Variants in ITGA9 observed in about 807,000 individuals in gnomAD.
ITGA9 encodes the protein integrin subunit alpha 9, also known as integrin alpha-9.
ITGA9 carries 56 observed loss-of-function variants against 127.8 expected under a neutral mutation model. The ratio of observed to expected loss-of-function variants is 0.44; its 90% CI spans 0.35 to 0.55. ITGA9 has a LOEUF of 0.55. Ranked by LOEUF, ITGA9 falls within the 20% of genes least tolerant of loss-of-function variation. ITGA9 has a pLI of 0.00. For synonymous variants in ITGA9, 508 were observed against 514.5 expected (o/e 0.99, Z 0.17); for missense variants, 1,196 against 1,347.1 (o/e 0.89, Z 1.76).
chr3:37,811,505 AC>A (rs1182105248), intron 27 of ITGA9, among the ~76,000 whole-genome samples: 1 of 151,472 alleles, frequency 6.6e-6, no homozygotes, highest in African/African-American at 2.4e-5. Context: ...GAAGAAAGAC[AC>A]CCCCCTTCCC....
chr3:37,768,339 C>G (rs1269058242), intron 23 of ITGA9, among the ~76,000 whole-genome samples: 1 of 152,192 alleles, frequency 6.6e-6, no homozygotes, highest in Non-Finnish European at 1.5e-5. Flanking sequence ...TATCATTTCT[C>G]AGTTATTGTA....
chr3:37,568,524 A>G (rs1448386444), intron 15 of ITGA9, among the ~76,000 whole-genome samples: 1 of 152,206 alleles, frequency 6.6e-6, no homozygotes, highest in Non-Finnish European at 1.5e-5. Context: ...TCAGGCCACA[A>G]ATTTTCCAAA....
At chr3:37,642,045 C>G (rs1031340832) in intron 16 of ITGA9, among the ~76,000 whole-genome samples, 1 of 152,110 alleles carries the variant, frequency 6.6e-6, no homozygotes, top group African/African-American at 2.4e-5. Flanking sequence ...TCAAGTGATC[C>G]TCCCACCTCA....
At chr3:37,778,004 G>T (rs557934020) in intron 24 of ITGA9, among the ~76,000 whole-genome samples, 2 of 152,272 alleles carry the variant, frequency 1.3e-5, no homozygotes, top group South Asian at 4.1e-4. Flanking sequence ...ATCAATAGGA[G>T]AATAAGTAAG....
chr3:37,766,662 C>T (rs1696783275), intron 23 of ITGA9, among the ~76,000 whole-genome samples: 1 of 152,094 alleles, frequency 6.6e-6, no homozygotes, highest in Non-Finnish European at 1.5e-5. Flanking sequence ...GAGCTAGAAC[C>T]AGAATTTAAA....
At chr3:37,757,189 AAAT>A (rs1442722001) in intron 23 of ITGA9, among the ~76,000 whole-genome samples, 1 of 151,920 alleles carries the variant, frequency 6.6e-6, no homozygotes, top group African/African-American at 2.4e-5. Flanking sequence ...GAAATAGAAA[AAAT>A]AATAACAACA....
intron 15 of ITGA9, among the ~76,000 whole-genome samples, chr3:37,623,795 C>G (rs998647208): frequency 2.6e-5 from 4 of 151,862 alleles, no homozygotes; most frequent in African/African-American, 9.7e-5. Flanking sequence ...ATCCTGTTTT[C>G]TTTTAAAAGA....
Position 37,597,570 on chromosome 3 carries a change from C to T in ITGA9, c.1690-31617C>T, listed in dbSNP as rs780475864. On this transcript the variant is annotated intron_variant, in intron 15 of 27. Coordinates refer to ENST00000264741, the MANE Select transcript of ITGA9 (RefSeq NM_002207.3). The surrounding 1 kb of genome is among the most constrained non-coding windows in gnomAD (Gnocchi z 4.6). ...TAACATAGCTTCCCTTTCCCACCTA[C>T]GACCTATGAGGTGCACCTGTCCGTA... 9.2e-5 allele frequency among the ~76,000 whole-genome samples: 14 copies of T among 152,128 alleles called. No individual in the cohort carries two copies. Among genetic ancestry groups the T allele is most frequent in the Non-Finnish European group, 1.8e-4 (12 of 68,042 alleles).
intron 16 of ITGA9, among the ~76,000 whole-genome samples, chr3:37,653,109 A>G (rs1400669641): frequency 6.6e-6 from 1 of 152,222 alleles, no homozygotes; most frequent in African/African-American, 2.4e-5. Flanking sequence ...GGTTAGAGAA[A>G]AGGCACTGTG....
chr3:37,647,867 G>A (rs1700394000), intron 16 of ITGA9, among the ~76,000 whole-genome samples: 1 of 151,962 alleles, frequency 6.6e-6, no homozygotes, highest in African/African-American at 2.4e-5. Flanking sequence ...ATATATATGT[G>A]TGTGTGTGTA....
intron 18 of ITGA9, among the ~76,000 whole-genome samples, chr3:37,722,842 G>A (rs1321962606): frequency 6.6e-6 from 1 of 152,160 alleles, no homozygotes; most frequent in Non-Finnish European, 1.5e-5. Flanking sequence ...CCTAAGAGTG[G>A]GATTGCTGGG....
chr3:37,481,613 C>A lies in ITGA9; in HGVS notation c.544+6C>A. The A allele has an allele frequency of 6.2e-7, 1 of 1,614,194 alleles. No individual in the cohort carries two copies. Among genetic ancestry groups the A allele is most frequent in the Non-Finnish European group, 8.5e-7 (1 of 1,180,026 alleles). On this transcript the variant is annotated splice_donor_region_variant and intron_variant, in intron 4 of 27. Transcript: ENST00000264741. ...GCTGATCCCTTGCTATGAAGGTGAG[C>A]ATGGATTGATTTTTCCTCATCCCCC...
At chr3:37,792,837 G>A (rs1424157340) in intron 26 of ITGA9, among the ~76,000 whole-genome samples, 4 of 152,186 alleles carry the variant, frequency 2.6e-5, no homozygotes, top group Non-Finnish European at 5.9e-5. Flanking sequence ...AGAGCAAGTG[G>A]ACAGTATGTC....
intron 18 of ITGA9, among the ~76,000 whole-genome samples, chr3:37,718,468 G>T (rs1022889806): frequency 6.6e-6 from 1 of 152,166 alleles, no homozygotes; most frequent in Non-Finnish European, 1.5e-5. Context: ...GAATCCCAGA[G>T]AAGGCATTTT....
rs187250367 is a variant in ITGA9, at chr3:37,696,450, A to G, written c.2067+12435A>G. ...TATTTTCACAAAATGAAGCCATTTCAACGATGTTGTCAATGTGTTTGGATT... is the reference window on the plus strand; with the variant it reads ...TATTTTCACAAAATGAAGCCATTTCGACGATGTTGTCAATGTGTTTGGATT... On this transcript the variant is annotated intron_variant, in intron 18 of 27. Coordinates refer to ENST00000264741, the MANE Select transcript of ITGA9 (RefSeq NM_002207.3). Among the ~76,000 whole-genome samples, 261 of 152,358 alleles carry G rather than the reference A, an allele frequency of 1.7e-3. 4 individuals are homozygous for G. The South Asian group carries it at 0.024, about 14-fold the overall frequency.
At chr3:37,664,336 C>T (rs887259691) in intron 17 of ITGA9, among the ~76,000 whole-genome samples, 3 of 152,000 alleles carry the variant, frequency 2.0e-5, no homozygotes, top group Non-Finnish European at 4.4e-5. Flanking sequence ...ACCTGGAGGC[C>T]TTGTTCAATA....
At chr3:37,592,835 G>T (rs893162030) in intron 15 of ITGA9, among the ~76,000 whole-genome samples, 2 of 152,168 alleles carry the variant, frequency 1.3e-5, no homozygotes, top group African/African-American at 4.8e-5. Flanking sequence ...GGTGGGTGCT[G>T]TAAGAATGTT....
rs374110267 is a variant in ITGA9, at chr3:37,471,020, G to A, written c.199G>A (p.Ala67Thr). The change falls in exon 2 of 28, where the codon GCA becomes ACA. Residue 67 changes from alanine to threonine, a missense_variant. Physicochemically the swap from Ala to Thr is moderately conservative, Grantham distance 58. Coordinates refer to ENST00000264741, the MANE Select transcript of ITGA9 (RefSeq NM_002207.3). ...CTCTTGCTGCAGGGTCCTTGTGGGC[G>A]CACCAAAGGCAGATTCCAAATACAG... Reference protein sequence around the residue: ...HDNTRWVLVGAPKADSKYSPS... With the variant: ...HDNTRWVLVGTPKADSKYSPS... 23 of 1,613,868 alleles carry A rather than the reference G, an allele frequency of 1.4e-5. No homozygotes were observed. The highest frequency in any genetic ancestry group is 2.2e-5 in the East Asian group (1 of 44,890).
At chr3:37,766,921 G>A (rs1040228145) in intron 23 of ITGA9, among the ~76,000 whole-genome samples, 4 of 152,300 alleles carry the variant, frequency 2.6e-5, no homozygotes, top group African/African-American at 7.2e-5. Context: ...CATCTGTATC[G>A]CTTTAACTCC....
Sources: gnomAD v4.1 joint callset for allele counts (sites outside exome capture counted in the v4.1 genomes callset) on GRCh38, gnomAD v4.1.1 for gene constraint, Gnocchi (gnomAD v3.1) non-coding constraint, MANE v1.5 for transcripts, NCBI Gene and HGNC (gene_info 2026-07-23, HGNC 2026-07-21) for gene names.